Variants in SEC14L2 observed in about 807,000 individuals in gnomAD.
SEC14L2 encodes SEC14 like lipid binding 2.
Under a neutral mutation model 56.9 loss-of-function variants are expected in SEC14L2, and 50 were observed. The observed-to-expected ratio is 0.88, with a 90% CI of 0.70 to 1.11. The LOEUF (loss-of-function observed/expected upper bound fraction) is 1.11. Ranked by LOEUF, SEC14L2 falls within the 50% of genes most tolerant of loss-of-function variation. The pLI is 0.00. For synonymous variants in SEC14L2, 179 were observed against 188.5 expected, an observed-to-expected ratio of 0.95 and a Z score of 0.41; for missense variants, 414 against 500.7, an observed-to-expected ratio of 0.83 and a Z score of 1.65.
At chr22:30,397,525 A>C in intron 1 of SEC14L2, 1 of 333,494 alleles carries the variant, frequency 3.0e-6, no homozygotes, top group South Asian at 4.2e-5. Flanking sequence ...GCAGGGGCCC[A>C]AGTTTCCTCC....
chr22:30,424,123 C>T lies in SEC14L2; in HGVS notation c.*1716C>T, dbSNP rs1934603594. The T allele has an allele frequency of 6.5e-6, 1 of 153,276 alleles. No homozygotes were observed. Among genetic ancestry groups the T allele is most frequent in the African/African-American group, 2.4e-5 (1 of 41,462 alleles). 9.5% of individuals were successfully genotyped at this position (153,276 alleles called of 1,614,324 possible). ...CACAGTGACGGCGGAGACCCTGCCC[C>T]GCCAGCTGCTCAGTACGTGCCGCGT... On this transcript the variant is annotated 3_prime_UTR_variant, in exon 12 of 12. Transcript: ENST00000615189.
Position 30,424,605 on chromosome 22 carries a change from A to G in SEC14L2, c.*2198A>G. ...AGATTAAAGGAAATAAGCCGTGCAA[A>G]GCGCTTAAGAGCTTGGTATAAGTAA... On this transcript the variant is annotated 3_prime_UTR_variant, in exon 12 of 12. Coordinates refer to ENST00000615189, the MANE Select transcript of SEC14L2 (RefSeq NM_012429.5). 4.8e-6 allele frequency: 2 copies of G among 420,628 alleles called. No individual in the cohort carries two copies. 26.1% of individuals were successfully genotyped at this position (420,628 alleles called of 1,614,324 possible).
chr22:30,397,855 C>T, intron 1 of SEC14L2: 2 of 471,158 alleles, frequency 4.2e-6, no homozygotes, highest in Non-Finnish European at 8.8e-6. Flanking sequence ...GTTTATGCTC[C>T]TCAGAAGGCA....
At chr22:30,409,971 G>A (rs1601779363) in intron 7 of SEC14L2, among the ~76,000 whole-genome samples, 1 of 152,274 alleles carries the variant, frequency 6.6e-6, no homozygotes, top group African/African-American at 2.4e-5. Flanking sequence ...GCTGAGGTGG[G>A]CAGATCACTT....
At chr22:30,409,400 A>C in intron 6 of SEC14L2, 26 bp from the exon 7 acceptor site, 3 of 1,613,558 alleles carry the variant, frequency 1.9e-6, no homozygotes, top group Non-Finnish European at 2.5e-6. Flanking sequence ...AGCCTGCTGG[A>C]ATCAAGAGTG....
In SEC14L2 at chr22:30,424,821, G is replaced by A. The variant is rs1382812128; in HGVS notation, c.*2414G>A. ...CACATTGCTCACCTGGGTGAACTGAGGTCCAGCGGGGGAAGGCTTCCTCCT... is the reference window on the plus strand; with the variant it reads ...CACATTGCTCACCTGGGTGAACTGAAGTCCAGCGGGGGAAGGCTTCCTCCT... On this transcript the variant is annotated 3_prime_UTR_variant, in exon 12 of 12. Coordinates refer to ENST00000615189, the MANE Select transcript of SEC14L2 (RefSeq NM_012429.5). The A allele has an allele frequency of 8.8e-6, 4 of 456,550 alleles. No homozygotes were observed. Among genetic ancestry groups the A allele is most frequent in the Non-Finnish European group, 1.8e-5 (4 of 226,976 alleles). The allele number at this position is 456,550 out of a possible 1,614,324, so 28.3% of individuals were successfully genotyped here.
intron 11 of SEC14L2, among the ~76,000 whole-genome samples, chr22:30,417,986 T>C (rs1470021943): frequency 6.6e-6 from 1 of 152,138 alleles, no homozygotes; most frequent in Non-Finnish European, 1.5e-5. Context: ...AGGTGTATAC[T>C]GTGTGCTTCA....
chr22:30,401,080 T>C (rs1336545351), intron 2 of SEC14L2, among the ~76,000 whole-genome samples: 3 of 151,374 alleles, frequency 2.0e-5, no homozygotes, highest in African/African-American at 7.3e-5. Context: ...AATTATGCCC[T>C]ATTATTTTAA....
At chr22:30,401,096 ATTTC>A (rs1266965617) in intron 2 of SEC14L2, among the ~76,000 whole-genome samples, 2 of 151,214 alleles carry the variant, frequency 1.3e-5, no homozygotes, top group African/African-American at 4.9e-5. Flanking sequence ...TTTAATTTTA[ATTTC>A]TTTTTTTGAG....
At chr22:30,403,830 C>T (rs1295852767) in intron 2 of SEC14L2, among the ~76,000 whole-genome samples, 1 of 151,436 alleles carries the variant, frequency 6.6e-6, no homozygotes, top group Admixed American at 6.6e-5. Context: ...GGTGAAACCC[C>T]GTCTCTACTA....
At position 30,416,379 on chromosome 22, in the gene SEC14L2, C is replaced by A; in HGVS notation, c.1057C>A (p.Leu353Ile). The change falls in exon 11 of 12, where the codon CTC (leucine) becomes ATC (isoleucine). Residue 353 changes from leucine to isoleucine, a missense_variant. Coordinates refer to ENST00000615189, the MANE Select transcript of SEC14L2 (RefSeq NM_012429.5). ...NSHLVPEDGT[L>I]TCSDPGIYVL... ...CCACCTGGTCCCTGAAGATGGGACC[C>A]TCACCTGCAGTGATCCTGGCATCTG... 6.2e-7 allele frequency: 1 copy of A among 1,614,208 alleles called. No individual in the cohort carries two copies. Among genetic ancestry groups the A allele is most frequent in the Non-Finnish European group, 8.5e-7 (1 of 1,180,028 alleles).
rs376034095 is a variant in SEC14L2 at position 30,407,171 on chromosome 22, CCA to C, written c.234+19_234+20del. 252 of 1,613,328 alleles carry C rather than the reference CCA, an allele frequency of 1.6e-4. 4 individuals are homozygous for C. The East Asian group carries it at 3.1e-3, about 20-fold the overall frequency. On this transcript the variant is annotated intron_variant, in intron 4 of 11. Coordinates refer to ENST00000615189, the MANE Select transcript of SEC14L2 (RefSeq NM_012429.5). ...CCTCCAGAGGTGAGCACAAATTATC[CCA>C]CCTCATCCCTATGCTAGGCCTTTCA...
intron 4 of SEC14L2, 26 bp from the exon 5 acceptor site, chr22:30,407,389 G>T: frequency 6.2e-7 from 1 of 1,607,694 alleles, no homozygotes; most frequent in South Asian, 1.1e-5. Flanking sequence ...CTGCTGACCA[G>T]GTGGCTCCTC....
chr22:30,415,585 C>T (rs911007264), intron 8 of SEC14L2, among the ~76,000 whole-genome samples, 174 bp from the exon 9 acceptor site: 2 of 152,164 alleles, frequency 1.3e-5, no homozygotes, highest in Admixed American at 6.5e-5. Flanking sequence ...CCTGCTGAAC[C>T]CCCTGCAGTA....
intron 8 of SEC14L2, among the ~76,000 whole-genome samples, chr22:30,411,295 T>G (rs761836504): frequency 6.6e-6 from 1 of 151,770 alleles, no homozygotes; most frequent in Non-Finnish European, 1.5e-5. Flanking sequence ...AGCTATGATA[T>G]AAACTAGAAA....
chr22:30,407,134 A>G lies in SEC14L2; in HGVS notation c.214A>G (p.Ile72Val), dbSNP rs140683265. The G allele has an allele frequency of 6.2e-4, 995 of 1,614,014 alleles. No homozygotes were observed. The highest frequency in any genetic ancestry group is 1.6e-3 in the Middle Eastern group (10 of 6,062). ...FRKQKDIDNI[I>V]SWQPPEVIQQ... Reference sequence around the variant, plus strand: ...AAAGCAAAAGGACATTGACAACATCATTAGCTGGCAGCCTCCAGAGGTGAG... The same window carrying G: ...AAAGCAAAAGGACATTGACAACATCGTTAGCTGGCAGCCTCCAGAGGTGAG... The change falls in exon 4 of 12, where the codon ATT becomes GTT. Residue 72 changes from isoleucine (I) to valine (V), a missense_variant. By Grantham distance (29) the Ile-to-Val change is conservative. Coordinates refer to ENST00000615189, the MANE Select transcript of SEC14L2 (RefSeq NM_012429.5).
Position 30,397,064 on chromosome 22 carries a change from T to G in SEC14L2, c.-53T>G. The G allele has an allele frequency of 1.3e-6, 2 of 1,501,606 alleles. No homozygotes were observed. Among genetic ancestry groups the G allele is most frequent in the Non-Finnish European group, 9.1e-7 (1 of 1,104,500 alleles). 93.0% of individuals were successfully genotyped at this position (1,501,606 alleles called of 1,614,324 possible). On this transcript the variant is annotated 5_prime_UTR_variant, in exon 1 of 12. Transcript: ENST00000615189. ...GAGGACGAGTCTGTGCTCCATCAGC[T>G]GCCGCACCCGCCGCCTCCCGCCCCC...
chr22:30,398,764 T>C (rs1340911729), intron 1 of SEC14L2: 1 of 471,270 alleles, frequency 2.1e-6, no homozygotes, highest in Admixed American at 2.3e-5. Context: ...CATCCTTCCA[T>C]GGGGCAGAAG....
At chr22:30,411,197 G>A (rs34367123) in intron 8 of SEC14L2, among the ~76,000 whole-genome samples, 28,061 of 152,084 alleles carry the variant, frequency 0.18, 2,837 homozygotes, top group Middle Eastern at 0.31. Context: ...GGAGTTCAAG[G>A]CTGCAGTTAG....
Sources: allele counts gnomAD v4.1 joint callset (sites outside exome capture counted in the v4.1 genomes callset), GRCh38; gene constraint gnomAD v4.1.1; transcripts MANE v1.5; gene names NCBI Gene and HGNC (gene_info 2026-07-23, HGNC 2026-07-21).